Variants in DLC1 observed in about 807,000 individuals in gnomAD.
The protein encoded by DLC1 is rho GTPase-activating protein 7.
A neutral mutation model predicts 140.3 loss-of-function variants in DLC1; 54 were observed. That is an observed-to-expected ratio of 0.38 (90% CI 0.31 to 0.48). The LOEUF is 0.48. Among genes scored for constraint, DLC1 ranks in the 20% least tolerant of loss-of-function variants. DLC1 has a pLI of 0.96. For missense variants in DLC1, 2,536 were observed against 1,907.0 expected (o/e 1.33, Z -6.14); for synonymous variants, 986 against 728.1 (o/e 1.35, Z -5.70).
At chr8:13,453,712 T>G (rs1799262982) in intron 2 of DLC1, among the ~76,000 whole-genome samples, 1 of 150,832 alleles carries the variant, frequency 6.6e-6, no homozygotes, top group Non-Finnish European at 1.5e-5. Flanking sequence ...TAGGTTTTCT[T>G]TTATTCAACG....
intron 5 of DLC1, among the ~76,000 whole-genome samples, chr8:13,200,772 G>GT (rs1387597045): frequency 6.6e-6 from 1 of 151,830 alleles, no homozygotes; most frequent in Non-Finnish European, 1.5e-5. Flanking sequence ...GTTTCAAATT[G>GT]TTTTTTGTGG....
At chr8:13,123,269 G>A (rs1821259042) in intron 5 of DLC1, among the ~76,000 whole-genome samples, 1 of 152,012 alleles carries the variant, frequency 6.6e-6, no homozygotes, top group Non-Finnish European at 1.5e-5. Context: ...GACCCTGCCT[G>A]CCTCTGACTG....
chr8:13,548,819 C>G (rs984327645), intron 1 of DLC1, among the ~76,000 whole-genome samples: 3 of 151,986 alleles, frequency 2.0e-5, no homozygotes, highest in African/African-American at 7.2e-5. Context: ...AATTTCTTAG[C>G]TGAGCCATAG....
At position 13,122,071 on chromosome 8, in the gene DLC1, G is replaced by C. The variant is rs560933320; in HGVS notation, c.1349-6414C>G. Among the ~76,000 whole-genome samples, 5 of 152,180 alleles carry C rather than the reference G, an allele frequency of 3.3e-5. No individual in the cohort carries two copies. In the South Asian group the frequency reaches 6.2e-4, roughly 19 times the overall value. ...CAGCCTCCTCACGGAACTCTGATAA[G>C]CCTCACCCCTCCCTGCCCCCAACAA... On this transcript the variant is annotated intron_variant, in intron 5 of 17. Coordinates refer to ENST00000276297, the MANE Select transcript of DLC1 (RefSeq NM_182643.3).
intron 5 of DLC1, among the ~76,000 whole-genome samples, chr8:13,253,429 T>G (rs1162408027): frequency 7.8e-6 from 1 of 129,022 alleles, no homozygotes; most frequent in Non-Finnish European, 1.7e-5. Context: ...AAAATACATA[T>G]TATGTGTGTG....
chr8:13,196,062 A>G (rs1372952798), intron 5 of DLC1, among the ~76,000 whole-genome samples: 1 of 151,326 alleles, frequency 6.6e-6, no homozygotes, highest in Non-Finnish European at 1.5e-5. Flanking sequence ...TATATAAATT[A>G]AAACACAACC....
In DLC1 at chr8:13,094,988, A is replaced by G. The variant is rs780555483; in HGVS notation, c.3328-31T>C. The G allele has an allele frequency of 1.9e-6, 3 of 1,614,066 alleles. No individual in the cohort carries two copies. In the South Asian group the frequency reaches 3.3e-5, roughly 18 times the overall value. ...GGAAGAGCAACACTAAGTGTGGGGT[A>G]CATTCACGTGGACGCAGTGTTTACA... On this transcript the variant is annotated intron_variant, in intron 11 of 17. Transcript: ENST00000276297.
At chr8:13,572,511 T>A (rs888089735) in intron 1 of DLC1, among the ~76,000 whole-genome samples, 2 of 152,218 alleles carry the variant, frequency 1.3e-5, no homozygotes, top group African/African-American at 2.4e-5. Flanking sequence ...TTCTATTTCT[T>A]CTTTTATTGC....
intron 1 of DLC1, among the ~76,000 whole-genome samples, chr8:13,501,002 C>A (rs1473655831): frequency 6.6e-6 from 1 of 152,188 alleles, no homozygotes; most frequent in Non-Finnish European, 1.5e-5. Flanking sequence ...AGTCAACAAA[C>A]TTCATTGTCT....
chr8:13,144,557 A>T (rs1363509037), intron 5 of DLC1, among the ~76,000 whole-genome samples: 3 of 152,172 alleles, frequency 2.0e-5, no homozygotes, highest in African/African-American at 7.2e-5. Context: ...CGAGATCAGG[A>T]GATCGAGAAC....
chr8:13,565,475 T>C lies in DLC1; in HGVS notation c.-126+39062A>G, dbSNP rs78128449. Among the ~76,000 whole-genome samples the C allele has an allele frequency of 2.2e-4, 33 of 152,334 alleles. No individual in the cohort carries two copies. The East Asian group carries it at 6.0e-3, about 28-fold the overall frequency. On this transcript the variant is annotated intron_variant, in intron 1 of 1. Coordinates refer to the DLC1 transcript ENST00000631382. ...GAAATTACTTGGAGTTACTCACAAA[T>C]TACATGCCACCTCTTTTTTAAAGAC...
chr8:13,183,182 C>G (rs139906347), intron 5 of DLC1, among the ~76,000 whole-genome samples: 4,961 of 152,262 alleles, frequency 0.033, 86 homozygotes, highest in Non-Finnish European at 0.039. Flanking sequence ...TGAGACTTTG[C>G]TGAAGTTGCT....
intron 1 of DLC1, among the ~76,000 whole-genome samples, chr8:13,581,559 A>G (rs1424855088): frequency 6.6e-6 from 1 of 152,178 alleles, no homozygotes; most frequent in African/African-American, 2.4e-5. Flanking sequence ...AATCCAATCC[A>G]TTTAAAGGTC....
intron 2 of DLC1, among the ~76,000 whole-genome samples, chr8:13,412,805 G>A (rs184398973): frequency 6.6e-6 from 1 of 151,940 alleles, no homozygotes; most frequent in South Asian, 2.1e-4. Flanking sequence ...GGTGGTGGGA[G>A]CCTGTAGTCC....
chr8:13,227,404 G>A (rs948486442), intron 5 of DLC1, among the ~76,000 whole-genome samples: 1 of 152,140 alleles, frequency 6.6e-6, no homozygotes, highest in Admixed American at 6.5e-5. Context: ...CTTGGATTGG[G>A]AATCTTAGTA....
At chr8:13,333,275 G>T (rs1468440318) in intron 4 of DLC1, among the ~76,000 whole-genome samples, 3 of 152,080 alleles carry the variant, frequency 2.0e-5, no homozygotes, top group East Asian at 3.9e-4. Flanking sequence ...GCCCAGGCTG[G>T]AGTGCAGTGG....
At chr8:13,261,829 C>A (rs1830481411) in intron 5 of DLC1, among the ~76,000 whole-genome samples, 1 of 152,126 alleles carries the variant, frequency 6.6e-6, no homozygotes, top group Admixed American at 6.5e-5. Flanking sequence ...TGATTTGGAG[C>A]AAGATACTTA....
At chr8:13,516,220 T>C (rs954435361), upstream of DLC1, among the ~76,000 whole-genome samples, 6 of 152,288 alleles carry the variant, frequency 3.9e-5, no homozygotes, top group South Asian at 2.1e-4. Flanking sequence ...TTCTTGCAAA[T>C]TTCTAGAAGC....
At chr8:13,554,905 T>C (rs1377555793) in intron 1 of DLC1, among the ~76,000 whole-genome samples, 2 of 152,234 alleles carry the variant, frequency 1.3e-5, no homozygotes, top group Non-Finnish European at 2.9e-5. Flanking sequence ...TGCAAGGCCC[T>C]ACATGATTGG....
Sources: allele counts gnomAD v4.1 joint callset (sites outside exome capture counted in the v4.1 genomes callset), GRCh38; gene constraint gnomAD v4.1.1; transcripts MANE v1.5; gene names NCBI Gene and HGNC (gene_info 2026-07-23, HGNC 2026-07-21).